The following ASPDH variants were observed in gnomAD, a reference collection of about 807,000 sequenced individuals.
ASPDH encodes the protein aspartate dehydrogenase domain containing.
A neutral mutation model predicts 30.5 loss-of-function variants in ASPDH; 25 were observed. The observed-to-expected ratio is 0.82, with a 90% CI of 0.60 to 1.14. The LOEUF is 1.14. ASPDH is among the 50% of genes most tolerant of loss of function. The pLI is 0.00. For missense variants in ASPDH, 401 were observed against 381.5 expected (o/e 1.05, Z -0.43); for synonymous variants, 168 against 156.3 (o/e 1.07, Z -0.56).
chr19:50,514,572 G>C, upstream of ASPDH: 1 of 1,613,074 alleles, frequency 6.2e-7, no homozygotes, highest in Non-Finnish European at 8.5e-7. Flanking sequence ...CCGTTCCCCA[G>C]CTCGCGTCAG....
chr19:50,513,259 C>T lies in ASPDH; in HGVS notation c.197+13G>A. ...TTCAGGGAGCTCCACTCTCCCATGG[C>T]AAGGTCACTGACCTTTCCCCAAGGG... On this transcript the variant is annotated intron_variant, in intron 2 of 6. Transcript: ENST00000389208. The surrounding 1 kb of genome is among the most constrained non-coding windows in gnomAD (Gnocchi z 4.9). 1.4e-6 allele frequency: 2 copies of T among 1,457,846 alleles called. No homozygotes were observed. The highest frequency in any genetic ancestry group is 1.8e-6 in the Non-Finnish European group (2 of 1,101,790). The allele number at this position is 1,457,846 out of a possible 1,614,324, so 90.3% of individuals were successfully genotyped here.
chr19:50,512,525 AG>A lies in ASPDH; in HGVS notation c.487del (p.Leu163TrpfsTer47). The A allele has an allele frequency of 6.5e-7, 1 of 1,536,834 alleles. No homozygotes were observed. The highest frequency in any genetic ancestry group is 8.7e-7 in the Non-Finnish European group (1 of 1,145,110). Reference sequence around the variant, plus strand: ...AGGCCCAGGGCTGTGGGCTGCAGCCAGGGGTCCCTCAAGCCGGAAGCCATCG... The same window carrying A: ...AGGCCCAGGGCTGTGGGCTGCAGCCAGGGTCCCTCAAGCCGGAAGCCATCG... ...HPDGFRLEGP[L>X]AAAHSPGPCT... is the part of the protein sequence containing the mutation. On this transcript the variant is annotated frameshift_variant, in exon 5 of 7. Transcript: ENST00000389208. LOFTEE classifies it high-confidence loss of function.
At chr19:50,514,111 C>T (rs1266433454), upstream of ASPDH, among the ~76,000 whole-genome samples, 2 of 152,186 alleles carry the variant, frequency 1.3e-5, no homozygotes, top group Non-Finnish European at 2.9e-5. Context: ...CCTCTTTCTC[C>T]CTGCTGATGT....
chr19:50,514,366 C>T (rs992813739), upstream of ASPDH: 2 of 1,463,776 alleles, frequency 1.4e-6, no homozygotes, highest in African/African-American at 1.4e-5. Flanking sequence ...TCAATGTGCC[C>T]TTGCCTCAGC....
chr19:50,514,696 C>T (rs1014336587), upstream of ASPDH: 10 of 1,486,110 alleles, frequency 6.7e-6, no homozygotes, highest in Admixed American at 2.0e-4. Flanking sequence ...GCAGCGCAGG[C>T]TCCCTGCCCC....
In ASPDH at chr19:50,511,671, T is replaced by G. The variant is rs1439675996; in HGVS notation, c.*59A>C. On this transcript the variant is annotated 3_prime_UTR_variant, in exon 7 of 7. Transcript: ENST00000389208. ...CTGGGGAAGTGGGGCAGGGCAGGGG[T>G]GGGATGGTGGTGGTGAGAGGCCAGG... 1.1e-5 allele frequency: 12 copies of G among 1,061,880 alleles called. No individual in the cohort carries two copies. The highest frequency in any genetic ancestry group is 8.3e-5 in the Admixed American group (2 of 24,176). 65.8% of individuals were successfully genotyped at this position (1,061,880 alleles called of 1,614,324 possible).
intron 4 of ASPDH, 36 bp from the exon 5 acceptor site, chr19:50,512,616 C>A (rs901855086): frequency 6.6e-7 from 1 of 1,506,246 alleles, no homozygotes; most frequent in Non-Finnish European, 8.9e-7. Flanking sequence ...GGAGTGGGGT[C>A]TTTGCAGGCC....
chr19:50,513,691 A>C lies in ASPDH; in HGVS notation c.52+81T>G. 1.8e-6 allele frequency: 2 copies of C among 1,115,762 alleles called. No homozygotes were observed. The highest frequency in any genetic ancestry group is 2.0e-4 in the Middle Eastern group (1 of 5,056). The allele number at this position is 1,115,762 out of a possible 1,614,324, so 69.1% of individuals were successfully genotyped here. A position where few individuals can be genotyped will look rare whatever the true frequency, so the allele number is the denominator to read the frequency against. ...GCCAGGGGCAGATAGAGAGAGAAAA[A>C]AGTGTTTGTGGAGGGCAGAGAGTCT... On this transcript the variant is annotated intron_variant, in intron 1 of 6. Coordinates refer to ENST00000389208, the MANE Select transcript of ASPDH (RefSeq NM_001114598.2). This position sits in a 1 kb window ranked among gnomAD's most constrained non-coding sequence, Gnocchi z 4.9.
chr19:50,511,746 C>G lies in ASPDH; in HGVS notation c.836G>C (p.Gly279Ala), dbSNP rs151254015. 1.5e-6 allele frequency: 2 copies of G among 1,311,334 alleles called. No homozygotes were observed. Among genetic ancestry groups the G allele is most frequent in the African/African-American group, 3.1e-5 (2 of 64,596 alleles). The allele number at this position is 1,311,334 out of a possible 1,614,324, so 81.2% of individuals were successfully genotyped here. A position where few individuals can be genotyped will look rare whatever the true frequency, so the allele number is the denominator to read the frequency against. The change falls in exon 7 of 7, where the codon GGG (glycine) becomes GCG (alanine). Residue 279 changes from glycine (G) to alanine (A), a missense_variant. Gly to Ala is a moderately conservative substitution (Grantham distance 60). Transcript: ENST00000389208. The stretch of plus-strand genomic sequence containing the variant: ...GGAGGCTTCTCAGCAGAGATGGATC[C>G]CCGGCCTGGAGGGGAGCTGGCAGCA... ...LACCQLPSRP[G>A]IHLC
Position 50,511,690 on chromosome 19 carries a change from G to C in ASPDH, c.*40C>G. 2 of 1,270,340 alleles carry C rather than the reference G, an allele frequency of 1.6e-6. No individual in the cohort carries two copies. Among genetic ancestry groups the C allele is most frequent in the Non-Finnish European group, 2.0e-6 (2 of 990,570 alleles). The allele number at this position is 1,270,340 out of a possible 1,614,324, so 78.7% of individuals were successfully genotyped here. A position where few individuals can be genotyped will look rare whatever the true frequency, so the allele number is the denominator to read the frequency against. ...CAGGGGTGGGATGGTGGTGGTGAGA[G>C]GCCAGGCAGATGATCTTGTCTCGGG... is the stretch of plus-strand genomic sequence containing the variant. On this transcript the variant is annotated 3_prime_UTR_variant, in exon 7 of 7. Transcript: ENST00000389208.
chr19:50,513,693 G>A lies in ASPDH; in HGVS notation c.52+79C>T. On this transcript the variant is annotated intron_variant, in intron 1 of 6. Transcript: ENST00000389208. The surrounding 1 kb of genome is among the most constrained non-coding windows in gnomAD (Gnocchi z 4.9). ...CAGGGGCAGATAGAGAGAGAAAAAAGTGTTTGTGGAGGGCAGAGAGTCTTG... is the reference window on the plus strand; with the variant it reads ...CAGGGGCAGATAGAGAGAGAAAAAAATGTTTGTGGAGGGCAGAGAGTCTTG... 1 of 1,131,528 alleles carries A rather than the reference G, an allele frequency of 8.8e-7. No individual in the cohort carries two copies. The highest frequency in any genetic ancestry group is 2.0e-4 in the Middle Eastern group (1 of 5,084). The allele number at this position is 1,131,528 out of a possible 1,614,324, so 70.1% of individuals were successfully genotyped here. A position where few individuals can be genotyped will look rare whatever the true frequency, so the allele number is the denominator to read the frequency against.
At position 50,513,332 on chromosome 19, in the gene ASPDH, C is replaced by T. The variant is rs887788909; in HGVS notation, c.137G>A (p.Arg46Gln). Residue 46 changes from arginine to glutamine, a missense_variant, in exon 2 of 7, where the codon CGA (arginine) becomes CAA (glutamine). Transcript: ENST00000389208. The surrounding 1 kb of genome is among the most constrained non-coding windows in gnomAD (Gnocchi z 4.9). ...LVFVWNRDPGRMAGSVPPSLQ... is the reference protein window; with the variant it reads ...LVFVWNRDPGQMAGSVPPSLQ... ...GGAAGGGGGCACGCTCCCTGCCATT[C>T]GTCCTGGGTCACGATTCCAGACAAA... 3.2e-6 allele frequency: 5 copies of T among 1,539,340 alleles called. No homozygotes were observed. The highest frequency in any genetic ancestry group is 1.4e-5 in the African/African-American group (1 of 72,596).
rs757971492 is a variant in ASPDH, at chr19:50,513,344, C to G, written c.125G>C (p.Arg42Pro). ...LGLELVFVWN[R>P]DPGRMAGSVP... ...GCTCCCTGCCATTCGTCCTGGGTCA[C>G]GATTCCAGACAAAAACAAGTTCTAG... The change falls in exon 2 of 7, where the codon CGT becomes CCT. Residue 42 changes from arginine (R) to proline (P), a missense_variant. Coordinates refer to ENST00000389208, the MANE Select transcript of ASPDH (RefSeq NM_001114598.2). This position sits in a 1 kb window ranked among gnomAD's most constrained non-coding sequence, Gnocchi z 4.9. The G allele has an allele frequency of 1.3e-6, 2 of 1,540,454 alleles. No homozygotes were observed. The highest frequency in any genetic ancestry group is 1.8e-6 in the Non-Finnish European group (2 of 1,142,274).
At chr19:50,513,938 C>T, upstream of ASPDH, 1 of 1,298,296 alleles carries the variant, frequency 7.7e-7, no homozygotes, top group South Asian at 1.5e-5. This position sits in a 1 kb window ranked among gnomAD's most constrained non-coding sequence, Gnocchi z 4.9. Context: ...TGGGCTCAGT[C>T]TTCCCCCTTC....
Position 50,513,310 on chromosome 19 carries a change from A to G in ASPDH, c.159T>C (p.Pro53=), listed in dbSNP as rs1215792533. ...CAGCAAGGTTCTGGAGCTGCAGGGA[A>G]GGGGGCACGCTCCCTGCCATTCGTC... is the stretch of plus-strand genomic sequence containing the variant. ...DPGRMAGSVP[P]SLQLQNLAAL... The change falls in exon 2 of 7, where the codon CCT becomes CCC. Residue 53 remains proline, a synonymous_variant. Transcript: ENST00000389208. This position sits in a 1 kb window ranked among gnomAD's most constrained non-coding sequence, Gnocchi z 4.9. 2 of 1,525,106 alleles carry G rather than the reference A, an allele frequency of 1.3e-6. No homozygotes were observed. Among genetic ancestry groups the G allele is most frequent in the Non-Finnish European group, 1.8e-6 (2 of 1,135,196 alleles). The allele number at this position is 1,525,106 out of a possible 1,614,324, so 94.5% of individuals were successfully genotyped here. A position where few individuals can be genotyped will look rare whatever the true frequency, so the allele number is the denominator to read the frequency against.
upstream of ASPDH, chr19:50,514,531 T>G: frequency 6.2e-7 from 1 of 1,614,076 alleles, no homozygotes; most frequent in Middle Eastern, 1.6e-4. Context: ...CTGCCTCCAG[T>G]GTGACGTTCT....
chr19:50,514,147 C>T (rs1039474975), upstream of ASPDH, among the ~76,000 whole-genome samples: 12 of 152,202 alleles, frequency 7.9e-5, no homozygotes, highest in Non-Finnish European at 1.6e-4. Context: ...CAGTCCCCTG[C>T]CCCCTCTCTG....
At position 50,513,476 on chromosome 19, in the gene ASPDH, AG is replaced by A. The variant is rs1276331128; in HGVS notation, c.53-61del. 11 of 1,432,654 alleles carry A rather than the reference AG, an allele frequency of 7.7e-6. No homozygotes were observed. The highest frequency in any genetic ancestry group is 8.3e-6 in the Non-Finnish European group (9 of 1,087,132). 88.7% of individuals were successfully genotyped at this position (1,432,654 alleles called of 1,614,324 possible). A position where few individuals can be genotyped will look rare whatever the true frequency, so the allele number is the denominator to read the frequency against. On this transcript the variant is annotated intron_variant, in intron 1 of 6. Coordinates refer to ENST00000389208, the MANE Select transcript of ASPDH (RefSeq NM_001114598.2). This position sits in a 1 kb window ranked among gnomAD's most constrained non-coding sequence, Gnocchi z 4.9. ...GAGAGAGGGGGACAGAGACCCAGAGAGAGAGGAGGTGGGGACAGAGACCCAG... is the reference window on the plus strand; with the variant it reads ...GAGAGAGGGGGACAGAGACCCAGAGAAGAGGAGGTGGGGACAGAGACCCAG...
upstream of ASPDH, chr19:50,514,784 A>G (rs1601362147): frequency 1.5e-5 from 14 of 932,666 alleles, no homozygotes; most frequent in South Asian, 6.9e-5. Context: ...AGAGAAAGAG[A>G]GCGTGAACGG....
Sources: allele counts gnomAD v4.1 joint callset (sites outside exome capture counted in the v4.1 genomes callset), GRCh38; gene constraint gnomAD v4.1.1; non-coding constraint Gnocchi (gnomAD v3.1); transcripts MANE v1.5; gene names NCBI Gene and HGNC (gene_info 2026-07-23, HGNC 2026-07-21).